Variants in ANKS1B observed in about 807,000 individuals in gnomAD.
ANKS1B encodes the protein ankyrin repeat and sterile alpha motif domain-containing protein 1B.
A neutral mutation model predicts 148.3 loss-of-function variants in ANKS1B; 36 were observed. The ratio of observed to expected loss-of-function variants is 0.24; its 90% CI spans 0.19 to 0.32. The LOEUF (loss-of-function observed/expected upper bound fraction) is 0.32, where lower values mean the gene tolerates loss of function less well. Among genes scored for constraint, ANKS1B ranks in the 10% least tolerant of loss-of-function variants. The probability of loss-of-function intolerance (pLI) is 1.00; values close to 1 mark genes in which losing one functional copy is unlikely to be tolerated. For synonymous variants in ANKS1B, 542 were observed against 560.8 expected, an observed-to-expected ratio of 0.97 and a Z score of 0.47; for missense variants, 1,157 against 1,542.6, an observed-to-expected ratio of 0.75 and a Z score of 4.19.
At chr12:98,971,399 A>G (rs2099882999) in intron 17 of ANKS1B, among the ~76,000 whole-genome samples, 2 of 152,376 alleles carry the variant, frequency 1.3e-5, no homozygotes, top group Non-Finnish European at 2.9e-5. Context: ...AGATAACCAC[A>G]AAGAAAAGGC....
intron 19 of ANKS1B, among the ~76,000 whole-genome samples, chr12:98,812,801 G>A (rs555590722): frequency 1.3e-5 from 2 of 151,978 alleles, no homozygotes; most frequent in East Asian, 1.9e-4. Context: ...GGTCTCAAAC[G>A]CCTGGCCTCA....
At chr12:99,448,902 C>A (rs1410908612) in intron 10 of ANKS1B, among the ~76,000 whole-genome samples, 1 of 151,944 alleles carries the variant, frequency 6.6e-6, no homozygotes, top group Non-Finnish European at 1.5e-5. Context: ...CTCTCTCTCC[C>A]TTTGGACTCT....
intron 14 of ANKS1B, among the ~76,000 whole-genome samples, chr12:99,227,295 C>T (rs2086099564): frequency 6.6e-6 from 1 of 152,182 alleles, no homozygotes; most frequent in Non-Finnish European, 1.5e-5. Flanking sequence ...CCTGCTCCCG[C>T]TTTGACACCC....
chr12:99,741,206 AACACACACACACACAC>A (rs774613671), intron 8 of ANKS1B, among the ~76,000 whole-genome samples: 5 of 135,338 alleles, frequency 3.7e-5, no homozygotes, highest in Non-Finnish European at 7.8e-5. Context: ...GGCTCCGTCA[AACACACACACACACAC>A]ACACACACAC....
At chr12:99,385,734 T>C (rs998877914) in intron 12 of ANKS1B, among the ~76,000 whole-genome samples, 7 of 152,158 alleles carry the variant, frequency 4.6e-5, no homozygotes, top group Admixed American at 2.0e-4. Flanking sequence ...TGCATATCAA[T>C]GGCCAAGAAC....
chr12:98,811,603 A>T (rs1247915869), intron 19 of ANKS1B, among the ~76,000 whole-genome samples: 2 of 152,144 alleles, frequency 1.3e-5, no homozygotes, highest in East Asian at 3.9e-4. Flanking sequence ...ACGGGAATGC[A>T]TTCTGTCTCC....
intron 22 of ANKS1B, among the ~76,000 whole-genome samples, chr12:98,783,350 GAA>G (rs1392209920): frequency 6.6e-6 from 1 of 152,178 alleles, no homozygotes; most frequent in Non-Finnish European, 1.5e-5. Context: ...GAGCTCAGTA[GAA>G]AAGAGGGCTG....
At chr12:99,045,830 A>G (rs1032828299) in intron 17 of ANKS1B, among the ~76,000 whole-genome samples, 2 of 152,186 alleles carry the variant, frequency 1.3e-5, no homozygotes, top group African/African-American at 4.8e-5. Flanking sequence ...TAGGCCATGC[A>G]GCAGAAAGGA....
chr12:99,921,494 C>G (rs1267940747), intron 1 of ANKS1B, among the ~76,000 whole-genome samples: 9 of 152,230 alleles, frequency 5.9e-5, no homozygotes, highest in Admixed American at 4.6e-4. Flanking sequence ...ACTCCACAGA[C>G]TCTGGGTATC....
At chr12:99,573,329 C>T (rs555451941) in intron 9 of ANKS1B, among the ~76,000 whole-genome samples, 1 of 151,932 alleles carries the variant, frequency 6.6e-6, no homozygotes, top group Non-Finnish European at 1.5e-5. Flanking sequence ...GCTGTACTCT[C>T]TTATAAAAAT....
intron 12 of ANKS1B, among the ~76,000 whole-genome samples, chr12:99,370,291 G>C (rs1291106952): frequency 1.3e-5 from 2 of 152,142 alleles, no homozygotes; most frequent in Non-Finnish European, 2.9e-5. Flanking sequence ...TTAAAAAATA[G>C]AGAGCATTTA....
chr12:99,312,113 T>C lies in ANKS1B; in HGVS notation c.1757-65249A>G, dbSNP rs147010780. Reference sequence around the variant, plus strand: ...TACAGTTTGTAGGCAGAAAGCTATCTAGGTTAAACGAGTCATTTCTTCAGC... The same window carrying C: ...TACAGTTTGTAGGCAGAAAGCTATCCAGGTTAAACGAGTCATTTCTTCAGC... On this transcript the variant is annotated intron_variant, in intron 12 of 26. Coordinates refer to ENST00000683438, the MANE Select transcript of ANKS1B (RefSeq NM_001352186.2). Among the ~76,000 whole-genome samples, 25 of 152,292 alleles carry C rather than the reference T, an allele frequency of 1.6e-4. 1 individual carries two copies. The highest frequency in any genetic ancestry group is 5.8e-4 in the African/African-American group (24 of 41,576).
At chr12:99,299,124 G>T (rs968033052) in intron 12 of ANKS1B, among the ~76,000 whole-genome samples, 1 of 151,540 alleles carries the variant, frequency 6.6e-6, no homozygotes, top group Non-Finnish European at 1.5e-5. Context: ...GTCATGGCAC[G>T]ATCATAGCTC....
chr12:99,608,773 CAG>C (rs1259106656), intron 9 of ANKS1B, among the ~76,000 whole-genome samples: 1 of 152,000 alleles, frequency 6.6e-6, no homozygotes, highest in Non-Finnish European at 1.5e-5. Flanking sequence ...CAAGGGGTCT[CAG>C]AGTCTTTAGA....
chr12:99,884,218 C>T, intron 1 of ANKS1B, among the ~76,000 whole-genome samples: 1 of 152,126 alleles, frequency 6.6e-6, no homozygotes, highest in East Asian at 1.9e-4. Flanking sequence ...GAACATGCTA[C>T]TACACACCTA....
intron 8 of ANKS1B, among the ~76,000 whole-genome samples, chr12:99,764,307 A>C (rs1567803272): frequency 6.6e-6 from 1 of 152,260 alleles, no homozygotes; most frequent in African/African-American, 2.4e-5. Flanking sequence ...AAATAGTTAG[A>C]TCTAAATAGA....
chr12:99,239,964 T>C (rs916373314), intron 14 of ANKS1B, among the ~76,000 whole-genome samples: 2 of 152,134 alleles, frequency 1.3e-5, no homozygotes, highest in Non-Finnish European at 2.9e-5. Flanking sequence ...TGCAAAAACA[T>C]GCCAAATTGT....
intron 13 of ANKS1B, among the ~76,000 whole-genome samples, chr12:99,245,689 C>T (rs1350770774): frequency 6.6e-6 from 1 of 152,138 alleles, no homozygotes; most frequent in African/African-American, 2.4e-5. Flanking sequence ...CCAAGAGAGA[C>T]TGTATGAAAT....
intron 9 of ANKS1B, among the ~76,000 whole-genome samples, chr12:99,615,938 A>G (rs1256000957): frequency 6.6e-6 from 1 of 152,196 alleles, no homozygotes; most frequent in African/African-American, 2.4e-5. Flanking sequence ...CAACTTCAGC[A>G]AAGTCTCAGG....
Sources: gnomAD v4.1 joint callset for allele counts (sites outside exome capture counted in the v4.1 genomes callset) on GRCh38, gnomAD v4.1.1 for gene constraint, MANE v1.5 for transcripts, NCBI Gene and HGNC (gene_info 2026-07-23, HGNC 2026-07-21) for gene names.